Variants in PDE4D observed in about 807,000 individuals in gnomAD.
PDE4D encodes 3',5'-cyclic-AMP phosphodiesterase 4D.
A neutral mutation model predicts 87.4 loss-of-function variants in PDE4D; 24 were observed. The observed-to-expected ratio is 0.27, with a 90% CI of 0.20 to 0.39. The LOEUF is 0.39. PDE4D is among the 10% of genes least tolerant of loss of function. The pLI is 1.00. For synonymous variants in PDE4D, 384 were observed against 383.2 expected (o/e 1.00, Z -0.02); for missense variants, 714 against 1,041.0 (o/e 0.69, Z 4.32).
chr5:60,022,260 G>A (rs2152853414), intron 2 of PDE4D, among the ~76,000 whole-genome samples: 1 of 152,236 alleles, frequency 6.6e-6, no homozygotes, highest in South Asian at 2.1e-4. Context: ...AAACGTTTTT[G>A]TAGATGGACT....
At chr5:60,232,992 A>G (rs1009444565) in intron 1 of PDE4D, among the ~76,000 whole-genome samples, 2 of 151,844 alleles carry the variant, frequency 1.3e-5, no homozygotes, top group Non-Finnish European at 2.9e-5. Context: ...GGGGAGGGGT[A>G]TTAAATAATC....
At chr5:60,104,247 C>G (rs1240146183) in intron 2 of PDE4D, among the ~76,000 whole-genome samples, 2 of 152,356 alleles carry the variant, frequency 1.3e-5, no homozygotes, top group South Asian at 2.1e-4. Flanking sequence ...CCCACAGAGT[C>G]TCGCTGATTG....
intron 1 of PDE4D, among the ~76,000 whole-genome samples, chr5:59,709,872 T>C (rs1039679504): frequency 6.6e-6 from 1 of 152,132 alleles, no homozygotes; most frequent in Non-Finnish European, 1.5e-5. Context: ...ATCCCAAGTC[T>C]CCATTACTTT....
chr5:60,070,223 T>C (rs921831801), intron 2 of PDE4D, among the ~76,000 whole-genome samples: 2 of 152,148 alleles, frequency 1.3e-5, no homozygotes, highest in African/African-American at 4.8e-5. Flanking sequence ...TCCTGCTGAA[T>C]AGAAGCAGTG....
chr5:59,989,527 A>G (rs1359963771), intron 2 of PDE4D, among the ~76,000 whole-genome samples: 1 of 152,116 alleles, frequency 6.6e-6, no homozygotes, highest in Non-Finnish European at 1.5e-5. Context: ...TTACTCAGAT[A>G]TACTCTTGCC....
At chr5:59,092,415 G>A (rs964069120) in intron 5 of PDE4D, among the ~76,000 whole-genome samples, 1 of 152,142 alleles carries the variant, frequency 6.6e-6, no homozygotes, top group African/African-American at 2.4e-5. Flanking sequence ...CATAAAGACA[G>A]CATCTATTAA....
In PDE4D at chr5:59,044,015, T is replaced by C. The variant is rs527553221; in HGVS notation, c.809-5044A>G. On this transcript the variant is annotated intron_variant, in intron 5 of 14. Coordinates refer to ENST00000340635, the MANE Select transcript of PDE4D (RefSeq NM_001104631.2). ...ATTGTGAATAGTGCCACAATAAACA[T>C]ACGTGTGCATGTGTCTTTATAGCAG... Among the ~76,000 whole-genome samples, 202 of 152,296 alleles carry C rather than the reference T, an allele frequency of 1.3e-3. 1 individual carries two copies. Among genetic ancestry groups the C allele is most frequent in the Middle Eastern group, 6.8e-3 (2 of 292 alleles).
At chr5:58,986,989 AATTTTATGTAAAAATAC>A (rs1746595854) in intron 11 of PDE4D, among the ~76,000 whole-genome samples, 2 of 152,036 alleles carry the variant, frequency 1.3e-5, no homozygotes, top group African/African-American at 2.4e-5. Context: ...TTAACACAAA[AATTTTATGTAAAAATAC>A]ATTTTATGTA....
At chr5:60,413,484 C>T (rs944028546) in intron 1 of PDE4D, among the ~76,000 whole-genome samples, 3 of 152,008 alleles carry the variant, frequency 2.0e-5, no homozygotes, top group Non-Finnish European at 4.4e-5. Context: ...GAGGAAGAAA[C>T]GAAAGGAGAA....
intron 1 of PDE4D, among the ~76,000 whole-genome samples, chr5:60,264,923 A>G (rs1013278278): frequency 6.6e-6 from 1 of 152,202 alleles, no homozygotes; most frequent in East Asian, 1.9e-4. Flanking sequence ...GATATTTATC[A>G]AGTGCCAGGG....
At chr5:59,045,156 G>A (rs1472664916) in intron 5 of PDE4D, among the ~76,000 whole-genome samples, 2 of 152,214 alleles carry the variant, frequency 1.3e-5, no homozygotes, top group African/African-American at 4.8e-5. Flanking sequence ...GACAGGGACA[G>A]AGGTGGAGTG....
At chr5:59,828,803 A>G (rs1389407268) in intron 1 of PDE4D, among the ~76,000 whole-genome samples, 1 of 152,084 alleles carries the variant, frequency 6.6e-6, no homozygotes, top group Non-Finnish European at 1.5e-5. Flanking sequence ...GCCCTAGTAG[A>G]TAAAGCACTG....
chr5:59,539,441 G>T (rs1002114490), intron 1 of PDE4D, among the ~76,000 whole-genome samples: 1 of 152,044 alleles, frequency 6.6e-6, no homozygotes, highest in African/African-American at 2.4e-5. Context: ...ACTTCTTTCA[G>T]TGTTGGTAAG....
At chr5:60,108,512 T>C (rs1296163541) in intron 2 of PDE4D, among the ~76,000 whole-genome samples, 1 of 152,172 alleles carries the variant, frequency 6.6e-6, no homozygotes, top group African/African-American at 2.4e-5. Context: ...AAAACTACTG[T>C]AAAGTTCATA....
chr5:60,012,180 T>C (rs1166168188), intron 2 of PDE4D, among the ~76,000 whole-genome samples: 1 of 152,172 alleles, frequency 6.6e-6, no homozygotes, highest in Non-Finnish European at 1.5e-5. Context: ...ACATTCATAA[T>C]TGAAATCTTT....
intron 6 of PDE4D, among the ~76,000 whole-genome samples, chr5:59,023,002 T>C (rs957578087): frequency 6.6e-6 from 1 of 151,960 alleles, no homozygotes; most frequent in African/African-American, 2.4e-5. Context: ...AGTGAAACCC[T>C]GTCTCTACTA....
At chr5:60,480,567 GA>G (rs142750248) in intron 1 of PDE4D, among the ~76,000 whole-genome samples, 20,382 of 151,986 alleles carry the variant, frequency 0.13, 2,649 homozygotes, top group African/African-American at 0.33. Flanking sequence ...TCTGGCTCCA[GA>G]GACCACAGAG....
At chr5:60,465,771 C>T (rs1747305501) in intron 1 of PDE4D, among the ~76,000 whole-genome samples, 1 of 151,906 alleles carries the variant, frequency 6.6e-6, no homozygotes, top group Admixed American at 6.6e-5. Context: ...CCTACCTAAA[C>T]ATGCTCCAAA....
intron 6 of PDE4D, among the ~76,000 whole-genome samples, chr5:59,032,191 A>G (rs1323791729): frequency 1.3e-5 from 2 of 152,226 alleles, no homozygotes; most frequent in Non-Finnish European, 2.9e-5. Flanking sequence ...ATCACATTAT[A>G]CCCAAGAAAT....
Sources: gnomAD v4.1 joint callset for allele counts (sites outside exome capture counted in the v4.1 genomes callset) on GRCh38, gnomAD v4.1.1 for gene constraint, MANE v1.5 for transcripts, NCBI Gene and HGNC (gene_info 2026-07-23, HGNC 2026-07-21) for gene names.